The following NOL4 variants were observed in gnomAD, a reference collection of about 807,000 sequenced individuals.
The protein encoded by NOL4 is cancer/testis antigen 125.
NOL4 carries 17 observed loss-of-function variants against 75.9 expected under a neutral mutation model. That is an observed-to-expected ratio of 0.22 (90% confidence interval 0.15 to 0.34). The LOEUF (loss-of-function observed/expected upper bound fraction) is 0.34. Among genes scored for constraint, NOL4 ranks in the 10% least tolerant of loss-of-function variants. The pLI, the probability that NOL4 is intolerant of heterozygous loss-of-function variation, is 1.00. For missense variants in NOL4, 614 were observed against 793.5 expected, an observed-to-expected ratio of 0.77 and a Z score of 2.72; for synonymous variants, 292 against 289.9, an observed-to-expected ratio of 1.01 and a Z score of -0.07.
intron 5 of NOL4, among the ~76,000 whole-genome samples, chr18:34,076,949 C>T (rs1340442919): frequency 1.3e-5 from 2 of 152,046 alleles, no homozygotes; most frequent in East Asian, 1.9e-4. Flanking sequence ...TCTACAAATT[C>T]CCAGGGGTGC....
chr18:34,107,199 CA>C (rs2079330858), intron 2 of NOL4, among the ~76,000 whole-genome samples: 1 of 152,078 alleles, frequency 6.6e-6, no homozygotes, highest in African/African-American at 2.4e-5. Context: ...ACTTGTCTAG[CA>C]GCATTTAGCC....
At chr18:34,023,460 C>A (rs1367583178) in intron 5 of NOL4, 4 of 456,074 alleles carry the variant, frequency 8.8e-6, no homozygotes, top group Non-Finnish European at 1.8e-5. Flanking sequence ...TTGGTCCATC[C>A]TGAGTAGCTG....
At chr18:34,017,946 T>C (rs2074801075) in intron 6 of NOL4, among the ~76,000 whole-genome samples, 1 of 152,088 alleles carries the variant, frequency 6.6e-6, no homozygotes, top group Non-Finnish European at 1.5e-5. Flanking sequence ...CTCAACTCCA[T>C]TGTAACAGAG....
intron 2 of NOL4, among the ~76,000 whole-genome samples, chr18:34,126,485 C>G (rs2080396094): frequency 6.6e-6 from 1 of 152,108 alleles, no homozygotes; most frequent in Non-Finnish European, 1.5e-5. Context: ...TATATGCAGA[C>G]TGTTTTCTCT....
At chr18:33,931,051 TA>T (rs1275752049) in intron 9 of NOL4, among the ~76,000 whole-genome samples, 1 of 152,012 alleles carries the variant, frequency 6.6e-6, no homozygotes, top group South Asian at 2.1e-4. Flanking sequence ...TCTGGCAAAT[TA>T]AAAAAACACA....
intron 1 of NOL4, among the ~76,000 whole-genome samples, chr18:34,183,847 A>G (rs11661450): frequency 0.28 from 42,654 of 151,812 alleles, 6,290 homozygotes; most frequent in East Asian, 0.45. Flanking sequence ...TTTCAGAGAC[A>G]ATGGAACTGT....
chr18:33,959,516 A>G (rs2069932428), intron 6 of NOL4, among the ~76,000 whole-genome samples: 1 of 152,092 alleles, frequency 6.6e-6, no homozygotes, highest in African/African-American at 2.4e-5. Context: ...CTTTGAGACC[A>G]TAACATTGAT....
At chr18:34,190,456 T>C (rs1163815556) in intron 1 of NOL4, among the ~76,000 whole-genome samples, 1 of 151,988 alleles carries the variant, frequency 6.6e-6, no homozygotes, top group Non-Finnish European at 1.5e-5. Flanking sequence ...TAACATTGTA[T>C]TATGTTTATA....
intron 9 of NOL4, among the ~76,000 whole-genome samples, chr18:33,941,820 A>G (rs1488632677): frequency 6.6e-6 from 1 of 151,956 alleles, no homozygotes; most frequent in Non-Finnish European, 1.5e-5. Flanking sequence ...TCACTATGCC[A>G]GATGGTATTA....
At chr18:34,221,979 C>A (rs1298503000) in intron 1 of NOL4, 2 of 1,485,354 alleles carry the variant, frequency 1.3e-6, no homozygotes, top group Non-Finnish European at 1.8e-6. Context: ...ACAAAGGATG[C>A]CAGATAGCCT....
rs537523400 is a variant in NOL4, at chr18:33,967,783, C to T, written c.1057-9365G>A. ...TACCATCTCACTCCAGTCAGAATGG[C>T]TATTATTAAAAAGTCAAAAAATAAT... On this transcript the variant is annotated intron_variant, in intron 6 of 10. Coordinates refer to ENST00000261592, the MANE Select transcript of NOL4 (RefSeq NM_003787.5). Among the ~76,000 whole-genome samples the T allele has an allele frequency of 3.3e-5, 5 of 152,220 alleles. No individual in the cohort carries two copies. The East Asian group carries it at 7.7e-4, about 24-fold the overall frequency.
chr18:33,951,726 C>T (rs888252410), intron 8 of NOL4, among the ~76,000 whole-genome samples: 1 of 152,118 alleles, frequency 6.6e-6, no homozygotes, highest in Admixed American at 6.6e-5. Context: ...TTATATTCTA[C>T]TTAACCCATT....
intron 5 of NOL4, chr18:34,023,324 T>C: frequency 4.7e-6 from 2 of 423,434 alleles, no homozygotes; most frequent in Admixed American, 4.9e-5. Context: ...CCATTTTTAT[T>C]CTCTTTCCCT....
intron 5 of NOL4, among the ~76,000 whole-genome samples, chr18:34,021,332 G>A (rs1015501572): frequency 6.6e-6 from 1 of 152,178 alleles, no homozygotes; most frequent in Non-Finnish European, 1.5e-5. Flanking sequence ...TAACCAGGTG[G>A]AGAAGTTGGG....
At chr18:34,216,425 G>A (rs1306307940) in intron 1 of NOL4, among the ~76,000 whole-genome samples, 1 of 151,808 alleles carries the variant, frequency 6.6e-6, no homozygotes, top group Non-Finnish European at 1.5e-5. Context: ...TAGAGTGCAT[G>A]GACCTACTTT....
intron 9 of NOL4, among the ~76,000 whole-genome samples, chr18:33,887,019 C>A (rs2064757631): frequency 7.5e-6 from 1 of 133,526 alleles, no homozygotes; most frequent in African/African-American, 2.8e-5. Flanking sequence ...ACATATATAT[C>A]TATATATCTA....
At chr18:34,171,625 G>A (rs1391552705) in intron 1 of NOL4, among the ~76,000 whole-genome samples, 2 of 152,122 alleles carry the variant, frequency 1.3e-5, no homozygotes, top group African/African-American at 4.8e-5. Context: ...AACCAAAGCA[G>A]AGGAAAATTG....
At chr18:33,915,494 A>G (rs1484105410) in intron 9 of NOL4, among the ~76,000 whole-genome samples, 1 of 152,094 alleles carries the variant, frequency 6.6e-6, no homozygotes, top group East Asian at 1.9e-4. Flanking sequence ...TAAAGGGGAA[A>G]GTGATCCTGG....
rs569118000 is a variant in NOL4, at chr18:34,185,632, T to C, written c.264+37358A>G. On this transcript the variant is annotated intron_variant, in intron 1 of 10. Transcript: ENST00000261592. ...TCAGACCCAACTCTACTCTTTTCAA[T>C]TGTGTTCCATGAGAATCTCTTGTTT... Among the ~76,000 whole-genome samples the C allele has an allele frequency of 8.5e-5, 13 of 152,256 alleles. No individual in the cohort carries two copies. In the South Asian group the frequency reaches 2.3e-3, roughly 27 times the overall value.
Sources: gnomAD v4.1 joint callset for allele counts (sites outside exome capture counted in the v4.1 genomes callset) on GRCh38, gnomAD v4.1.1 for gene constraint, MANE v1.5 for transcripts, NCBI Gene and HGNC (gene_info 2026-07-23, HGNC 2026-07-21) for gene names.